The following KCNH8 variants were observed in gnomAD, a reference collection of about 807,000 sequenced individuals.
KCNH8 encodes the protein potassium voltage-gated channel subfamily H member 8.
Under a neutral mutation model 103.6 loss-of-function variants are expected in KCNH8, and 70 were observed. The observed-to-expected ratio is 0.68, with a 90% CI of 0.56 to 0.82. The LOEUF (loss-of-function observed/expected upper bound fraction) is 0.82, where lower values mean the gene tolerates loss of function less well. KCNH8 is among the 40% of genes least tolerant of loss of function. The pLI, the probability that KCNH8 is intolerant of heterozygous loss-of-function variation, is 0.00. For missense variants in KCNH8, 1,217 were observed against 1,329.9 expected, an observed-to-expected ratio of 0.92 and a Z score of 1.32; for synonymous variants, 498 against 489.4, an observed-to-expected ratio of 1.02 and a Z score of -0.23.
At chr3:19,168,335 C>T (rs1338235898) in intron 1 of KCNH8, among the ~76,000 whole-genome samples, 1 of 151,880 alleles carries the variant, frequency 6.6e-6, no homozygotes, top group East Asian at 1.9e-4. Context: ...CCCTCTGTTC[C>T]CCACTTCTAT....
chr3:19,447,083 A>G (rs1482123745), intron 8 of KCNH8, among the ~76,000 whole-genome samples: 1 of 152,054 alleles, frequency 6.6e-6, no homozygotes, highest in Non-Finnish European at 1.5e-5. Context: ...AAATAAAGGA[A>G]AAGTAAGTGA....
rs1303026746 is a variant in KCNH8 at position 19,513,022 on chromosome 3, A to G, written c.2132A>G (p.Glu711Gly). 6.2e-7 allele frequency: 1 copy of G among 1,613,716 alleles called. No individual in the cohort carries two copies. The highest frequency in any genetic ancestry group is 1.1e-5 in the South Asian group (1 of 91,068). ...NINKRLPSIV[E>G]DEEEEEEGEE... ...AACAAGCGACTCCCATCCATTGTGG[A>G]AGATGAGGAAGAGGAGGAGGAGGGG... is the stretch of plus-strand genomic sequence containing the variant. The change falls in exon 13 of 16, where the codon GAA becomes GGA. Residue 711 changes from glutamate (E) to glycine (G), a missense_variant. This residue lies in a region of KCNH8 where 558 missense variants were observed against 495.8 expected (regional missense o/e 1.13). Transcript: ENST00000328405.
intron 11 of KCNH8, among the ~76,000 whole-genome samples, chr3:19,483,806 T>A (rs1246761035): frequency 6.6e-6 from 1 of 152,140 alleles, no homozygotes; most frequent in African/African-American, 2.4e-5. Context: ...TCACTGAGGA[T>A]CAAGGGGATT....
At chr3:19,499,839 C>G (rs559888805) in intron 11 of KCNH8, among the ~76,000 whole-genome samples, 33 of 152,160 alleles carry the variant, frequency 2.2e-4, no homozygotes, top group African/African-American at 7.7e-4. Flanking sequence ...AAAATCATGC[C>G]AAAAAGTAAA....
intron 15 of KCNH8, among the ~76,000 whole-genome samples, chr3:19,529,606 A>G (rs1245697106): frequency 3.3e-5 from 5 of 152,168 alleles, no homozygotes; most frequent in Non-Finnish European, 1.5e-5. Context: ...ATAAATTTTG[A>G]TAGCAAGCAC....
chr3:19,534,437 G>C lies in KCNH8; in HGVS notation c.*338G>C. The C allele has an allele frequency of 3.6e-6, 1 of 277,696 alleles. No homozygotes were observed. Among genetic ancestry groups the C allele is most frequent in the Non-Finnish European group, 6.7e-6 (1 of 148,322 alleles). 17.2% of individuals were successfully genotyped at this position (277,696 alleles called of 1,614,324 possible). A position where few individuals can be genotyped will look rare whatever the true frequency, so the allele number is the denominator to read the frequency against. On this transcript the variant is annotated 3_prime_UTR_variant, in exon 16 of 16. Coordinates refer to ENST00000328405, the MANE Select transcript of KCNH8 (RefSeq NM_144633.3). Reference sequence around the variant, plus strand: ...TTTTGTCCCATGTGGCTTTTGTGAAGTATGGCAAAGGTTTTTCATGAGTGC... The same window carrying C: ...TTTTGTCCCATGTGGCTTTTGTGAACTATGGCAAAGGTTTTTCATGAGTGC...
chr3:19,290,086 A>G (rs565308208), intron 3 of KCNH8, among the ~76,000 whole-genome samples: 1 of 152,218 alleles, frequency 6.6e-6, no homozygotes, highest in Admixed American at 6.5e-5. Context: ...TGATTTTTGT[A>G]CATTGATTTT....
At chr3:19,388,286 T>C (rs1270754614) in intron 5 of KCNH8, among the ~76,000 whole-genome samples, 4 of 152,164 alleles carry the variant, frequency 2.6e-5, no homozygotes, top group Non-Finnish European at 1.5e-5. Flanking sequence ...TCACCTGTGC[T>C]TCCTTTTAGA....
chr3:19,326,964 A>T (rs1403830750), intron 3 of KCNH8, among the ~76,000 whole-genome samples: 1 of 152,180 alleles, frequency 6.6e-6, no homozygotes, highest in Non-Finnish European at 1.5e-5. Context: ...CTGGTGTCTT[A>T]ACAGGGCCCT....
At chr3:19,267,362 C>T (rs954567725) in intron 2 of KCNH8, among the ~76,000 whole-genome samples, 6 of 152,018 alleles carry the variant, frequency 3.9e-5, no homozygotes, top group Admixed American at 1.3e-4. Flanking sequence ...CTAGAAACTC[C>T]GGCATGTAAA....
At chr3:19,319,178 A>G (rs530827179) in intron 3 of KCNH8, among the ~76,000 whole-genome samples, 65 of 151,986 alleles carry the variant, frequency 4.3e-4, no homozygotes, top group African/African-American at 1.6e-3. Context: ...ATTAAGTCCC[A>G]TCTATTTATC....
At chr3:19,313,817 C>A (rs1295506755) in intron 3 of KCNH8, among the ~76,000 whole-genome samples, 1 of 151,618 alleles carries the variant, frequency 6.6e-6, no homozygotes, top group East Asian at 1.9e-4. Flanking sequence ...ACCTTAAGGT[C>A]CTATTCAGGA....
intron 4 of KCNH8, chr3:19,346,689 C>T (rs1023532987): frequency 2.6e-5 from 12 of 456,326 alleles, no homozygotes; most frequent in Non-Finnish European, 5.3e-5. Context: ...ATTAATCTGC[C>T]CTTCCCTCAA....
intron 2 of KCNH8, among the ~76,000 whole-genome samples, chr3:19,260,481 CTATAGGATATATATATATATATA>C (rs1196499045): frequency 5.5e-4 from 54 of 98,766 alleles, no homozygotes; most frequent in African/African-American, 1.8e-3. Flanking sequence ...ATGTATTACT[CTATAGGATATATATATATATATA>C]TATATATATA....
chr3:19,298,660 C>T (rs1397573701), intron 3 of KCNH8, among the ~76,000 whole-genome samples: 3 of 152,118 alleles, frequency 2.0e-5, no homozygotes, highest in African/African-American at 2.4e-5. Context: ...GAGTGGCTCA[C>T]GCCTGTAATC....
At chr3:19,409,825 A>G (rs926018042) in intron 7 of KCNH8, among the ~76,000 whole-genome samples, 2 of 152,208 alleles carry the variant, frequency 1.3e-5, no homozygotes, top group African/African-American at 4.8e-5. Context: ...AGACTTGACT[A>G]TCATAAGTAT....
At chr3:19,509,621 A>G (rs993718417) in intron 11 of KCNH8, among the ~76,000 whole-genome samples, 1 of 152,198 alleles carries the variant, frequency 6.6e-6, no homozygotes, top group African/African-American at 2.4e-5. Flanking sequence ...AATAAGATAT[A>G]TATTTTTCCC....
intron 2 of KCNH8, among the ~76,000 whole-genome samples, chr3:19,267,292 C>A (rs1373816378): frequency 6.6e-6 from 1 of 151,960 alleles, no homozygotes; most frequent in Non-Finnish European, 1.5e-5. Flanking sequence ...AATCCCCATG[C>A]CTGATGATGG....
chr3:19,389,468 C>T (rs2066404072), intron 5 of KCNH8, among the ~76,000 whole-genome samples: 1 of 152,052 alleles, frequency 6.6e-6, no homozygotes, highest in Non-Finnish European at 1.5e-5. Context: ...GAATTTAACC[C>T]AGAAATTCAC....
Sources: allele counts gnomAD v4.1 joint callset (sites outside exome capture counted in the v4.1 genomes callset), GRCh38; gene constraint gnomAD v4.1.1; regional missense constraint gnomAD v4.1.1; transcripts MANE v1.5; gene names NCBI Gene and HGNC (gene_info 2026-07-23, HGNC 2026-07-21).